TRAK2: variants seen among roughly 807,000 people sequenced by gnomAD.
The protein encoded by TRAK2 is trafficking kinesin protein 2.
Under a neutral mutation model 104.6 loss-of-function variants are expected in TRAK2, and 81 were observed. The observed-to-expected ratio is 0.77, with a 90% CI of 0.65 to 0.93. TRAK2 has a LOEUF of 0.93. TRAK2 is among the 40% of genes least tolerant of loss of function. TRAK2 has a pLI of 0.00. For synonymous variants in TRAK2, 406 were observed against 394.4 expected (o/e 1.03, Z -0.35); for missense variants, 1,002 against 1,089.0 (o/e 0.92, Z 1.12).
At chr2:201,425,874 T>C (rs1170614721) in intron 1 of TRAK2, among the ~76,000 whole-genome samples, 1 of 152,204 alleles carries the variant, frequency 6.6e-6, no homozygotes, top group Non-Finnish European at 1.5e-5. Flanking sequence ...TTTAATCATA[T>C]CTGAATCAAA....
At chr2:201,400,810 T>C (rs1276034570) in intron 4 of TRAK2, among the ~76,000 whole-genome samples, 1 of 151,998 alleles carries the variant, frequency 6.6e-6, no homozygotes, top group Non-Finnish European at 1.5e-5. Flanking sequence ...ATTAAATAAA[T>C]AAATAACTAA....
rs1487929912 is a variant in TRAK2 at position 201,451,432 on chromosome 2, G to A, written c.-282C>T. The A allele has an allele frequency of 6.6e-6, 1 of 152,152 alleles. No individual in the cohort carries two copies. The highest frequency in any genetic ancestry group is 2.4e-5 in the African/African-American group (1 of 41,460). The allele number at this position is 152,152 out of a possible 1,614,324, so 9.4% of individuals were successfully genotyped here. On this transcript the variant is annotated 5_prime_UTR_variant, in exon 1 of 16. Transcript: ENST00000332624. Reference sequence around the variant, plus strand: ...CAGCGGCAGCCTGAAAGCAGCAGCCGAAGCTGCTGCCGCTGCTCCCACTGC... The same window carrying A: ...CAGCGGCAGCCTGAAAGCAGCAGCCAAAGCTGCTGCCGCTGCTCCCACTGC...
chr2:201,437,051 G>A (rs1951884398), intron 1 of TRAK2, among the ~76,000 whole-genome samples: 2 of 152,182 alleles, frequency 1.3e-5, no homozygotes, highest in African/African-American at 4.8e-5. Context: ...AAAACCAGTT[G>A]TCACAGACAA....
In TRAK2 at chr2:201,403,927, C is replaced by T. The variant is rs983973577; in HGVS notation, c.287-2833G>A. Among the ~76,000 whole-genome samples, 11 of 152,268 alleles carry T rather than the reference C, an allele frequency of 7.2e-5. No individual in the cohort carries two copies. The East Asian group carries it at 1.9e-3, about 27-fold the overall frequency. On this transcript the variant is annotated intron_variant, in intron 3 of 15. Transcript: ENST00000332624. ...TACTACCAATCCACAAAGGCTGGGC[C>T]TCTTCAGTTGCACAGAAAGATGTCA...
At chr2:201,438,496 A>G (rs1951895011) in intron 1 of TRAK2, among the ~76,000 whole-genome samples, 1 of 152,206 alleles carries the variant, frequency 6.6e-6, no homozygotes. Flanking sequence ...CAAGAAAATT[A>G]AGGCTTAGAG....
At position 201,394,770 on chromosome 2, in the gene TRAK2, GAATTACAC is replaced by G; in HGVS notation, c.975+20_975+27del. ...GAAACTAGTCACTCTTTCCCCTCCT[GAATTACAC>G]AAGATAAAGATTTCATTACCTCCAT... is the stretch of plus-strand genomic sequence containing the variant. On this transcript the variant is annotated intron_variant, in intron 9 of 15. Coordinates refer to ENST00000332624, the MANE Select transcript of TRAK2 (RefSeq NM_015049.3). 1 of 1,585,978 alleles carries G rather than the reference GAATTACAC, an allele frequency of 6.3e-7. No individual in the cohort carries two copies. Among genetic ancestry groups the G allele is most frequent in the Middle Eastern group, 1.7e-4 (1 of 6,006 alleles).
In TRAK2 at chr2:201,410,719, TGAG is replaced by T; in HGVS notation, c.92-3125_92-3123del. 8.9e-6 allele frequency: 13 copies of T among 1,454,886 alleles called. 1 individual carries two copies. The South Asian group carries it at 1.4e-4, about 15-fold the overall frequency. 90.1% of individuals were successfully genotyped at this position (1,454,886 alleles called of 1,614,324 possible). ...TGAACTGCCCGTAGCTGGAGAAACT[TGAG>T]GAGGTACAAACTGATTAAGCCACTG... On this transcript the variant is annotated intron_variant, in intron 2 of 15. Transcript: ENST00000332624.
chr2:201,422,316 C>T (rs1029597270), intron 1 of TRAK2, among the ~76,000 whole-genome samples: 1 of 151,924 alleles, frequency 6.6e-6, no homozygotes, highest in Non-Finnish European at 1.5e-5. Context: ...GTGGAACATA[C>T]AAAGGAATAC....
chr2:201,437,761 C>G (rs1043441744), intron 1 of TRAK2, among the ~76,000 whole-genome samples: 6 of 152,220 alleles, frequency 3.9e-5, no homozygotes, highest in African/African-American at 1.4e-4. Context: ...CTACTCTGAG[C>G]TGATGTGGCT....
At chr2:201,432,611 T>C (rs1016168366) in intron 1 of TRAK2, among the ~76,000 whole-genome samples, 3 of 152,216 alleles carry the variant, frequency 2.0e-5, no homozygotes, top group Non-Finnish European at 4.4e-5. Flanking sequence ...GGACACAACA[T>C]GGCTAATGAC....
intron 4 of TRAK2, among the ~76,000 whole-genome samples, chr2:201,400,396 T>G (rs939883043): frequency 1.3e-5 from 2 of 152,072 alleles, no homozygotes; most frequent in Admixed American, 1.3e-4. Context: ...ATGGAGGGAT[T>G]ATCTCCACAT....
intron 2 of TRAK2, among the ~76,000 whole-genome samples, chr2:201,414,344 G>T (rs1294816470): frequency 6.6e-6 from 1 of 152,192 alleles, no homozygotes; most frequent in Non-Finnish European, 1.5e-5. Flanking sequence ...GAAAGTACAG[G>T]ATGTCATATC....
rs1280207686 is a variant in TRAK2 at position 201,407,473 on chromosome 2, A to T, written c.216T>A (p.Ser72=). The change falls in exon 3 of 16, where the codon TCT becomes TCA. Residue 72 remains serine, a synonymous_variant. Coordinates refer to ENST00000332624, the MANE Select transcript of TRAK2 (RefSeq NM_015049.3). Reference sequence around the variant, plus strand: ...CAGATGCATGCTGCCGCTGGTGTGGAGACTGAGTCCAGTCTTGATTTTCAT... The same window carrying T: ...CAGATGCATGCTGCCGCTGGTGTGGTGACTGAGTCCAGTCTTGATTTTCAT... ...FLYENQDWTQ[S]PHQRQHASDA... is the part of the protein sequence containing the mutation. 6.2e-7 allele frequency: 1 copy of T among 1,614,150 alleles called. No homozygotes were observed. Among genetic ancestry groups the T allele is most frequent in the South Asian group, 1.1e-5 (1 of 91,088 alleles).
intron 6 of TRAK2, 25 bp from the exon 7 acceptor site, chr2:201,397,605 A>G: frequency 6.8e-7 from 1 of 1,467,222 alleles, no homozygotes; most frequent in Non-Finnish European, 9.5e-7. Flanking sequence ...TCAGTATGTG[A>G]CAATACCTTC....
chr2:201,434,519 C>T (rs1001736607), intron 1 of TRAK2, among the ~76,000 whole-genome samples: 2 of 151,974 alleles, frequency 1.3e-5, no homozygotes, highest in African/African-American at 4.8e-5. Context: ...TACTTTGTCC[C>T]TATCCATAAA....
At chr2:201,430,952 G>T (rs141332724) in intron 1 of TRAK2, among the ~76,000 whole-genome samples, 1 of 152,172 alleles carries the variant, frequency 6.6e-6, no homozygotes, top group Admixed American at 6.5e-5. Context: ...TGGCCATCTT[G>T]GAACCCCTCC....
At chr2:201,413,672 CTG>C (rs1326827633) in intron 2 of TRAK2, among the ~76,000 whole-genome samples, 1 of 151,878 alleles carries the variant, frequency 6.6e-6, no homozygotes, top group East Asian at 1.9e-4. Flanking sequence ...GATAAGGAAA[CTG>C]AGACTTAAAG....
chr2:201,388,009 A>G lies in TRAK2; in HGVS notation c.1398-8T>C. On this transcript the variant is annotated splice_polypyrimidine_tract_variant and splice_region_variant and intron_variant, in intron 12 of 15. Transcript: ENST00000332624. ...CCCATCTTCTGGGAGCTCCTATAGG[A>G]AAATCGCGTTCACTGATTAGATCTT... 6.2e-7 allele frequency: 1 copy of G among 1,614,006 alleles called. No individual in the cohort carries two copies. The highest frequency in any genetic ancestry group is 8.5e-7 in the Non-Finnish European group (1 of 1,179,966).
At chr2:201,384,297 A>G (rs1951369367) in intron 14 of TRAK2, 81 bp from the exon 15 acceptor site, 1 of 1,018,654 alleles carries the variant, frequency 9.8e-7, no homozygotes, top group Non-Finnish European at 1.5e-6. Context: ...ATTTATTAAT[A>G]ATATAGCATT....
Sources: gnomAD v4.1 joint callset for allele counts (sites outside exome capture counted in the v4.1 genomes callset) on GRCh38, gnomAD v4.1.1 for gene constraint, MANE v1.5 for transcripts, NCBI Gene and HGNC (gene_info 2026-07-23, HGNC 2026-07-21) for gene names.